Variants in PARD3B observed in about 807,000 individuals in gnomAD.
PARD3B encodes the protein par-3 family cell polarity regulator beta.
PARD3B carries 103 observed loss-of-function variants against 130.2 expected under a neutral mutation model. That is an observed-to-expected ratio of 0.79 (90% confidence interval 0.67 to 0.93). The LOEUF (loss-of-function observed/expected upper bound fraction) is 0.93, where lower values mean the gene tolerates loss of function less well. Among genes scored for constraint, PARD3B ranks in the 40% least tolerant of loss-of-function variants. The probability of loss-of-function intolerance (pLI) is 0.00; values close to 1 mark genes in which losing one functional copy is unlikely to be tolerated. For synonymous variants in PARD3B, 583 were observed against 553.2 expected, an observed-to-expected ratio of 1.05 and a Z score of -0.76; for missense variants, 1,609 against 1,499.2, an observed-to-expected ratio of 1.07 and a Z score of -1.21.
At chr2:204,810,083 GA>G (rs2042912235) in intron 2 of PARD3B, among the ~76,000 whole-genome samples, 1 of 133,176 alleles carries the variant, frequency 7.5e-6, no homozygotes, top group Non-Finnish European at 1.5e-5. Flanking sequence ...TTTTAACATT[GA>G]TTTTTTTTTT....
intron 13 of PARD3B, among the ~76,000 whole-genome samples, chr2:205,180,225 AAC>A (rs527283040): frequency 1.2e-3 from 175 of 151,248 alleles, no homozygotes; most frequent in African/African-American, 4.1e-3. Context: ...GGCCTATCAA[AAC>A]ACAGACTTAT....
At chr2:204,998,316 A>ATG (rs1430271709) in intron 3 of PARD3B, among the ~76,000 whole-genome samples, 1 of 21,694 alleles carries the variant, frequency 4.6e-5, no homozygotes, top group African/African-American at 2.2e-4. Context: ...CTTAAAGTAT[A>ATG]TATATATATA....
intron 1 of PARD3B, among the ~76,000 whole-genome samples, chr2:204,578,856 A>G (rs569444026): frequency 6.6e-5 from 10 of 152,206 alleles, no homozygotes; most frequent in African/African-American, 2.2e-4. Context: ...GAGAGGTCAT[A>G]ATCTGGGAAG....
intron 2 of PARD3B, among the ~76,000 whole-genome samples, chr2:204,861,925 A>C (rs2045221772): frequency 1.5e-5 from 1 of 65,402 alleles, no homozygotes; most frequent in Admixed American, 1.5e-4. Flanking sequence ...GACATTTCTC[A>C]AAAAAAAAAA....
intron 15 of PARD3B, among the ~76,000 whole-genome samples, chr2:205,235,173 C>G (rs1574467222): frequency 6.6e-6 from 1 of 152,194 alleles, no homozygotes; most frequent in East Asian, 1.9e-4. Flanking sequence ...GTAATCACAG[C>G]AATTTGGGAG....
Position 205,121,556 on chromosome 2 carries a change from C to A in PARD3B, c.807-35C>A. 1 of 1,576,776 alleles carries A rather than the reference C, an allele frequency of 6.3e-7. No homozygotes were observed. Among genetic ancestry groups the A allele is most frequent in the Non-Finnish European group, 8.7e-7 (1 of 1,151,344 alleles). ...CTTTAGAAGATGCTGCACCTCAAAG[C>A]AGGGTCATCATACATTTATCAACTT... On this transcript the variant is annotated intron_variant, in intron 7 of 22. Transcript: ENST00000406610. This position sits in a 1 kb window ranked among gnomAD's most constrained non-coding sequence, Gnocchi z 5.0.
chr2:205,162,799 C>T (rs181912344), intron 11 of PARD3B, among the ~76,000 whole-genome samples: 2 of 152,118 alleles, frequency 1.3e-5, no homozygotes, highest in Non-Finnish European at 2.9e-5. Context: ...TCAAAATTTG[C>T]GTTTTATTTT....
chr2:204,876,971 G>A (rs1408469915), intron 2 of PARD3B, among the ~76,000 whole-genome samples: 1 of 152,118 alleles, frequency 6.6e-6, no homozygotes, highest in Non-Finnish European at 1.5e-5. Context: ...TGAAAATACA[G>A]TACTCTAGAT....
intron 15 of PARD3B, among the ~76,000 whole-genome samples, chr2:205,231,228 T>C (rs1409303666): frequency 6.6e-6 from 1 of 152,190 alleles, no homozygotes; most frequent in African/African-American, 2.4e-5. Flanking sequence ...TTACTCCTCA[T>C]TACGTTTTAA....
intron 2 of PARD3B, among the ~76,000 whole-genome samples, chr2:204,958,407 T>C (rs1690455391): frequency 6.6e-6 from 1 of 152,220 alleles, no homozygotes; most frequent in South Asian, 2.1e-4. Flanking sequence ...GCACAAACCA[T>C]GTACTGCTAG....
intron 2 of PARD3B, among the ~76,000 whole-genome samples, chr2:204,821,612 G>A (rs979429412): frequency 4.0e-5 from 6 of 151,276 alleles, no homozygotes; most frequent in African/African-American, 1.5e-4. Context: ...GTTAATGGGA[G>A]CAGCACACTA....
rs572449050 is a variant in PARD3B at position 204,965,557 on chromosome 2, C to T, written c.394+234C>T. ...AGAATTGTATGCCCTCGAAGTAACACGGGGGAGTCAGATGCTAAATGATGA... is the reference window on the plus strand; with the variant it reads ...AGAATTGTATGCCCTCGAAGTAACATGGGGGAGTCAGATGCTAAATGATGA... On this transcript the variant is annotated intron_variant, in intron 3 of 22. Transcript: ENST00000406610. Among the ~76,000 whole-genome samples, 17 of 152,104 alleles carry T rather than the reference C, an allele frequency of 1.1e-4. No homozygotes were observed. The East Asian group carries it at 1.2e-3, about 10-fold the overall frequency.
intron 1 of PARD3B, among the ~76,000 whole-genome samples, chr2:204,638,009 C>G (rs1051323667): frequency 3.3e-4 from 50 of 152,146 alleles, no homozygotes; most frequent in African/African-American, 1.1e-3. Flanking sequence ...TGGTAAGAAA[C>G]TATCTCTAAG....
chr2:204,945,221 C>CT (rs752417327), intron 2 of PARD3B, among the ~76,000 whole-genome samples: 31 of 152,282 alleles, frequency 2.0e-4, no homozygotes, highest in Middle Eastern at 6.8e-3. Flanking sequence ...ATCTTCAAAC[C>CT]TTAACTTTGT....
At chr2:205,118,419 C>A (rs777548376) in intron 6 of PARD3B, among the ~76,000 whole-genome samples, 1 of 152,202 alleles carries the variant, frequency 6.6e-6, no homozygotes, top group East Asian at 1.9e-4. Flanking sequence ...CAAATGGGAT[C>A]CAGCTTCCTT....
chr2:204,577,745 A>G (rs1172985172), intron 1 of PARD3B, among the ~76,000 whole-genome samples: 1 of 150,828 alleles, frequency 6.6e-6, no homozygotes, highest in Non-Finnish European at 1.5e-5. Context: ...TAATTTTAAA[A>G]ATTGTTTTTT....
chr2:204,569,291 T>C (rs546764928), intron 1 of PARD3B, among the ~76,000 whole-genome samples: 5 of 152,362 alleles, frequency 3.3e-5, no homozygotes, highest in Non-Finnish European at 7.3e-5. Context: ...TCTCTCATCT[T>C]TACAATATGA....
At chr2:204,944,178 C>T (rs1209237207) in intron 2 of PARD3B, among the ~76,000 whole-genome samples, 1 of 152,186 alleles carries the variant, frequency 6.6e-6, no homozygotes, top group Non-Finnish European at 1.5e-5. Context: ...ATACATTAGT[C>T]TTGTAAAGAA....
chr2:205,348,820 G>A (rs1257934585), intron 18 of PARD3B, among the ~76,000 whole-genome samples: 3 of 152,128 alleles, frequency 2.0e-5, no homozygotes, highest in Non-Finnish European at 4.4e-5. Flanking sequence ...TTAGATAAGG[G>A]AGATTTTTAT....
Sources: allele counts gnomAD v4.1 joint callset (sites outside exome capture counted in the v4.1 genomes callset), GRCh38; gene constraint gnomAD v4.1.1; non-coding constraint Gnocchi (gnomAD v3.1); transcripts MANE v1.5; gene names NCBI Gene and HGNC (gene_info 2026-07-23, HGNC 2026-07-21).